CHCHD6: variants seen among roughly 807,000 people sequenced by gnomAD.
The protein encoded by CHCHD6 is MICOS complex subunit MIC25.
CHCHD6 carries 28 observed loss-of-function variants against 32.3 expected under a neutral mutation model. The ratio of observed to expected loss-of-function variants is 0.87; its 90% CI spans 0.64 to 1.19. The LOEUF (loss-of-function observed/expected upper bound fraction) is 1.19. Ranked by LOEUF, CHCHD6 falls within the 50% of genes most tolerant of loss-of-function variation. The pLI is 0.00. For missense variants in CHCHD6, 333 were observed against 307.0 expected (o/e 1.08, Z -0.63); for synonymous variants, 122 against 117.5 (o/e 1.04, Z -0.25).
chr3:126,733,571 A>G (rs1253588592), intron 4 of CHCHD6, among the ~76,000 whole-genome samples: 1 of 152,236 alleles, frequency 6.6e-6, no homozygotes, highest in African/African-American at 2.4e-5. Context: ...GTGTGAGGGC[A>G]GAGGACTAGA....
At chr3:126,876,011 T>C (rs2077534872) in intron 5 of CHCHD6, among the ~76,000 whole-genome samples, 2 of 152,230 alleles carry the variant, frequency 1.3e-5, no homozygotes, top group African/African-American at 4.8e-5. Flanking sequence ...GTAAAATAAA[T>C]AGAATATATT....
Position 126,934,536 on chromosome 3 carries a change from CTTTTTTTTTTTTTTTTTTT to C in CHCHD6, c.566+19798_566+19816del, listed in dbSNP as rs386397861. ...CTTGGAATGCACCCTCCCCTCTCTG[CTTTTTTTTTTTTTTTTTTT>C]TTTTTTTTTTTGAGACTGAGTCTCG... On this transcript the variant is annotated intron_variant, in intron 6 of 7. Transcript: ENST00000290913. Among the ~76,000 whole-genome samples the C allele has an allele frequency of 1.7e-3, 99 of 58,252 alleles. 2 individuals carry two copies. Among genetic ancestry groups the C allele is most frequent in the African/African-American group, 6.6e-3 (92 of 14,010 alleles). The allele number at this position is 58,252 out of a possible 152,430, so 38.2% of individuals were successfully genotyped here. A position where few individuals can be genotyped will look rare whatever the true frequency, so the allele number is the denominator to read the frequency against.
At chr3:126,908,395 G>A (rs944942902) in intron 5 of CHCHD6, among the ~76,000 whole-genome samples, 1 of 152,204 alleles carries the variant, frequency 6.6e-6, no homozygotes, top group African/African-American at 2.4e-5. Flanking sequence ...GCAGGGCCTG[G>A]CACAGAGTGG....
Position 126,749,752 on chromosome 3 carries a change from A to G in CHCHD6, c.411+16530A>G, listed in dbSNP as rs531330826. Among the ~76,000 whole-genome samples the G allele has an allele frequency of 2.0e-5, 3 of 152,264 alleles. No homozygotes were observed. In the South Asian group the frequency reaches 6.2e-4, roughly 32 times the overall value. ...GAGTGCATTCCCGTTTGGCTCTTTT[A>G]TGGGCAAGACCAGAACTGGGCTCCA... is the stretch of plus-strand genomic sequence containing the variant. On this transcript the variant is annotated intron_variant, in intron 4 of 7. Coordinates refer to ENST00000290913, the MANE Select transcript of CHCHD6 (RefSeq NM_032343.3).
chr3:126,830,965 C>G (rs529009667), intron 4 of CHCHD6, among the ~76,000 whole-genome samples: 1 of 152,294 alleles, frequency 6.6e-6, no homozygotes, highest in Admixed American at 6.5e-5. Flanking sequence ...GTACCAGGGC[C>G]TGCTCGGGGG....
intron 6 of CHCHD6, chr3:126,949,450 C>A: frequency 4.5e-6 from 1 of 222,012 alleles, no homozygotes. Flanking sequence ...CGGACTCCTG[C>A]TGTGGACGAA....
At chr3:126,910,666 G>T (rs984036488) in intron 5 of CHCHD6, among the ~76,000 whole-genome samples, 1 of 152,182 alleles carries the variant, frequency 6.6e-6, no homozygotes, top group Admixed American at 6.5e-5. Flanking sequence ...GTTTATAATA[G>T]TAGAAGACTA....
intron 1 of CHCHD6, among the ~76,000 whole-genome samples, chr3:126,707,658 G>C (rs1425275948): frequency 6.6e-6 from 1 of 152,088 alleles, no homozygotes; most frequent in Admixed American, 6.5e-5. Flanking sequence ...CCCTGTTCCA[G>C]TCACTTGCAT....
intron 2 of CHCHD6, among the ~76,000 whole-genome samples, chr3:126,727,493 G>A (rs1935589758): frequency 1.3e-5 from 2 of 152,192 alleles, no homozygotes; most frequent in Non-Finnish European, 2.9e-5. Flanking sequence ...CCTCAGAGGC[G>A]GCATAGCCAT....
At chr3:126,915,790 G>A (rs1463119764) in intron 6 of CHCHD6, among the ~76,000 whole-genome samples, 1 of 152,178 alleles carries the variant, frequency 6.6e-6, no homozygotes, top group Non-Finnish European at 1.5e-5. Flanking sequence ...AATGTAGGCT[G>A]GTTTTGGGGT....
chr3:126,797,489 A>G (rs1307321327), intron 4 of CHCHD6, among the ~76,000 whole-genome samples: 2 of 152,152 alleles, frequency 1.3e-5, no homozygotes, highest in Non-Finnish European at 2.9e-5. Flanking sequence ...TTATTTGTAG[A>G]TGGAAAATGT....
intron 1 of CHCHD6, 36 bp downstream of exon 1, chr3:126,704,435 G>T: frequency 1.4e-6 from 2 of 1,381,692 alleles, no homozygotes; most frequent in African/African-American, 1.5e-5. Context: ...CGGGCGTGGA[G>T]GCCGCGGGCG....
At chr3:126,747,236 A>G (rs1354997589) in intron 4 of CHCHD6, among the ~76,000 whole-genome samples, 1 of 152,094 alleles carries the variant, frequency 6.6e-6, no homozygotes, top group African/African-American at 2.4e-5. Flanking sequence ...ATCTTTACTC[A>G]GATGATCTGG....
Position 126,744,421 on chromosome 3 carries a change from C to T in CHCHD6, c.411+11199C>T, listed in dbSNP as rs78522425. 1.6e-3 allele frequency among the ~76,000 whole-genome samples: 243 copies of T among 152,284 alleles called. 2 individuals are homozygous for T. Among genetic ancestry groups the T allele is most frequent in the African/African-American group, 5.2e-3 (217 of 41,548 alleles). The stretch of plus-strand genomic sequence containing the variant: ...CTGAGAAACATCAACAAGTGTTTGC[C>T]GGAGAAAAGTCCGATTCTTTCCCTT... On this transcript the variant is annotated intron_variant, in intron 4 of 7. Coordinates refer to ENST00000290913, the MANE Select transcript of CHCHD6 (RefSeq NM_032343.3).
chr3:126,844,678 C>T (rs1941230766), intron 4 of CHCHD6, among the ~76,000 whole-genome samples: 1 of 152,072 alleles, frequency 6.6e-6, no homozygotes, highest in Non-Finnish European at 1.5e-5. Context: ...GAATAATGGC[C>T]CCCCAAAGAT....
rs138284564 is a variant in CHCHD6 at position 126,914,710 on chromosome 3, C to T, written c.526C>T (p.Gln176Ter). ...NAEMYKLSSE[Q>*]FHEAASKMES... ...TGAGATGTATAAACTGTCTTCAGAGCAATTCCATGAGGCAGCCTCAAAGAT... is the reference window on the plus strand; with the variant it reads ...TGAGATGTATAAACTGTCTTCAGAGTAATTCCATGAGGCAGCCTCAAAGAT... Residue 176 changes from glutamine to a stop codon, truncating the protein, a stop_gained, in exon 6 of 8, where the codon CAA becomes TAA. Coordinates refer to ENST00000290913, the MANE Select transcript of CHCHD6 (RefSeq NM_032343.3). LOFTEE classifies it high-confidence loss of function. The T allele has an allele frequency of 6.3e-7, 1 of 1,597,768 alleles. No individual in the cohort carries two copies. The highest frequency in any genetic ancestry group is 8.6e-7 in the Non-Finnish European group (1 of 1,165,072).
chr3:126,763,694 A>T (rs1251566723), intron 4 of CHCHD6, among the ~76,000 whole-genome samples: 1 of 152,116 alleles, frequency 6.6e-6, no homozygotes, highest in Non-Finnish European at 1.5e-5. Context: ...TACAATGGGG[A>T]TTACAGTTAA....
At chr3:126,919,202 A>G (rs538883159) in intron 6 of CHCHD6, among the ~76,000 whole-genome samples, 1 of 152,068 alleles carries the variant, frequency 6.6e-6, no homozygotes, top group Non-Finnish European at 1.5e-5. Context: ...ATTGTCAATT[A>G]GGTTAAGTTG....
At chr3:126,892,592 C>G (rs1198442399) in intron 5 of CHCHD6, among the ~76,000 whole-genome samples, 1 of 152,352 alleles carries the variant, frequency 6.6e-6, no homozygotes, top group African/African-American at 2.4e-5. Context: ...CCATCCCTAG[C>G]CCACGTCCAG....
Sources: allele counts gnomAD v4.1 joint callset (sites outside exome capture counted in the v4.1 genomes callset), GRCh38; gene constraint gnomAD v4.1.1; transcripts MANE v1.5; gene names NCBI Gene and HGNC (gene_info 2026-07-23, HGNC 2026-07-21).